MACROD2: variants seen among roughly 807,000 people sequenced by gnomAD.
MACROD2 encodes the protein mono-ADP ribosylhydrolase 2, also known as ADP-ribose glycohydrolase MACROD2.
In MACROD2, 36 loss-of-function variants were observed where a neutral mutation model predicts 70.4. The observed-to-expected ratio is 0.51, with a 90% CI of 0.39 to 0.68. MACROD2 has a LOEUF of 0.68. Among genes scored for constraint, MACROD2 ranks in the 30% least tolerant of loss-of-function variants. The probability of loss-of-function intolerance (pLI) is 0.00; values close to 1 mark genes in which losing one functional copy is unlikely to be tolerated. For synonymous variants in MACROD2, 172 were observed against 178.8 expected, an observed-to-expected ratio of 0.96 and a Z score of 0.30; for missense variants, 496 against 538.4, an observed-to-expected ratio of 0.92 and a Z score of 0.78.
At chr20:15,886,798 G>C (rs929573593) in intron 10 of MACROD2, among the ~76,000 whole-genome samples, 3 of 152,088 alleles carry the variant, frequency 2.0e-5, no homozygotes, top group African/African-American at 7.2e-5. Flanking sequence ...TTACAATTCT[G>C]GGGGCAATAA....
chr20:14,555,978 A>G (rs1979005917), intron 4 of MACROD2, among the ~76,000 whole-genome samples: 1 of 151,980 alleles, frequency 6.6e-6, no homozygotes, highest in African/African-American at 2.4e-5. Context: ...TTCTCATCCA[A>G]CTATTTTAAC....
At chr20:15,857,888 G>A (rs1362070918) in intron 8 of MACROD2, among the ~76,000 whole-genome samples, 1 of 152,134 alleles carries the variant, frequency 6.6e-6, no homozygotes, top group Admixed American at 6.5e-5. Context: ...TTCTGTGTGT[G>A]TGTCTCTAGG....
At chr20:15,015,448 T>C (rs1348264401) in intron 5 of MACROD2, among the ~76,000 whole-genome samples, 1 of 151,870 alleles carries the variant, frequency 6.6e-6, no homozygotes, top group Admixed American at 6.6e-5. Flanking sequence ...ATTTTTTTTC[T>C]ACATTTTTAA....
At position 15,229,906 on chromosome 20, in the gene MACROD2, C is replaced by G. The variant is rs370932617; in HGVS notation, c.419-34C>G. On this transcript the variant is annotated intron_variant, in intron 5 of 17. Coordinates refer to ENST00000684519, the MANE Select transcript of MACROD2 (RefSeq NM_001351661.2). ...TGTAAAAAAAGTGAAAAATACCTCGCTTATCCTCTTTTTCCTTCCTTTTGT... is the reference window on the plus strand; with the variant it reads ...TGTAAAAAAAGTGAAAAATACCTCGGTTATCCTCTTTTTCCTTCCTTTTGT... 42 of 1,568,056 alleles carry G rather than the reference C, an allele frequency of 2.7e-5. No individual in the cohort carries two copies. In the African/African-American group the frequency reaches 5.6e-4, roughly 21 times the overall value.
In MACROD2 at chr20:15,978,582, G is replaced by GTCTCTCTCTCTCTCTC. The variant is rs59205516; in HGVS notation, c.986-8126_986-8111dup. Among the ~76,000 whole-genome samples the GTCTCTCTCTCTCTCTC allele has an allele frequency of 1.3e-3, 187 of 146,416 alleles. 2 individuals are homozygous for GTCTCTCTCTCTCTCTC. The highest frequency in any genetic ancestry group is 4.4e-3 in the African/African-American group (172 of 39,344). On this transcript the variant is annotated intron_variant, in intron 13 of 17. Coordinates refer to ENST00000684519, the MANE Select transcript of MACROD2 (RefSeq NM_001351661.2). ...AATAAACTTACTCGCCTGACCTTGGGTCTCTCTCTCTCTCTCTCTCTCTCT... is the reference window on the plus strand; with the variant it reads ...AATAAACTTACTCGCCTGACCTTGGGTCTCTCTCTCTCTCTCTCTCTCTCTCTCTCTCTCTCTCTCT...
At position 15,942,836 on chromosome 20, in the gene MACROD2, C is replaced by T. The variant is rs141118160; in HGVS notation, c.907+5292C>T. On this transcript the variant is annotated intron_variant, in intron 12 of 17. Transcript: ENST00000684519. ...GGGAAAATAAAGTGCTGTTTAAACTCGTCTTAATCCACCTGCCTTATTATT... is the reference window on the plus strand; with the variant it reads ...GGGAAAATAAAGTGCTGTTTAAACTTGTCTTAATCCACCTGCCTTATTATT... Among the ~76,000 whole-genome samples, 690 of 152,212 alleles carry T rather than the reference C, an allele frequency of 4.5e-3. 5 individuals carry two copies. Among genetic ancestry groups the T allele is most frequent in the African/African-American group, 0.016 (654 of 41,522 alleles).
At chr20:15,846,622 G>A (rs752620132) in intron 8 of MACROD2, among the ~76,000 whole-genome samples, 4 of 152,026 alleles carry the variant, frequency 2.6e-5, no homozygotes, top group African/African-American at 9.7e-5. Flanking sequence ...GTTTTTCCAC[G>A]ACTAAGCAGT....
intron 8 of MACROD2, among the ~76,000 whole-genome samples, chr20:15,529,173 A>G (rs2047762290): frequency 6.6e-6 from 1 of 152,178 alleles, no homozygotes; most frequent in Admixed American, 6.5e-5. Context: ...AAAGGAGAAG[A>G]GCTGGAAGTA....
At chr20:15,970,462 G>A (rs1381740020) in intron 13 of MACROD2, among the ~76,000 whole-genome samples, 1 of 151,994 alleles carries the variant, frequency 6.6e-6, no homozygotes, top group African/African-American at 2.4e-5. Context: ...AAGAGTAAAA[G>A]TACCAATTAG....
At chr20:15,028,800 A>G (rs1451018517) in intron 5 of MACROD2, among the ~76,000 whole-genome samples, 1 of 152,226 alleles carries the variant, frequency 6.6e-6, no homozygotes, top group East Asian at 1.9e-4. Context: ...TGGAGGTCAG[A>G]AAGAGCATGG....
chr20:15,910,216 A>G (rs1352143672), intron 10 of MACROD2, among the ~76,000 whole-genome samples: 1 of 152,238 alleles, frequency 6.6e-6, no homozygotes, highest in African/African-American at 2.4e-5. Flanking sequence ...CTGAGAAGAC[A>G]GTCACACTGC....
At chr20:16,002,055 T>C (rs2066716622) in intron 15 of MACROD2, among the ~76,000 whole-genome samples, 2 of 151,728 alleles carry the variant, frequency 1.3e-5, no homozygotes, top group Non-Finnish European at 2.9e-5. Flanking sequence ...TATATATATA[T>C]ATACATGTGT....
intron 9 of MACROD2, among the ~76,000 whole-genome samples, chr20:15,879,446 C>T (rs2147197469): frequency 6.6e-6 from 1 of 152,130 alleles, no homozygotes; most frequent in Admixed American, 6.6e-5. Flanking sequence ...AAGTAGATTT[C>T]ATTAATATGT....
intron 5 of MACROD2, among the ~76,000 whole-genome samples, chr20:14,753,182 T>C (rs1334828428): frequency 6.6e-6 from 1 of 152,126 alleles, no homozygotes; most frequent in Non-Finnish European, 1.5e-5. Context: ...TCTTCCAGTT[T>C]TCTCAAGACC....
intron 5 of MACROD2, among the ~76,000 whole-genome samples, chr20:14,707,547 C>T (rs999349090): frequency 1.3e-5 from 2 of 152,126 alleles, no homozygotes; most frequent in African/African-American, 4.8e-5. Context: ...TGAGACCTCC[C>T]AGTGCTGTAG....
intron 4 of MACROD2, among the ~76,000 whole-genome samples, chr20:14,634,948 C>G (rs6079513): frequency 0.03 from 4,548 of 152,178 alleles, 106 homozygotes; most frequent in Non-Finnish European, 0.045. Flanking sequence ...GCAGGGAGAA[C>G]TTTTGTTCTA....
intron 13 of MACROD2, among the ~76,000 whole-genome samples, chr20:15,981,115 T>A (rs200379189): frequency 6.6e-6 from 1 of 152,202 alleles, no homozygotes; most frequent in East Asian, 1.9e-4. Flanking sequence ...GAAAGATGGT[T>A]TAATGGTGCC....
At chr20:14,161,638 G>A (rs1402739900) in intron 3 of MACROD2, among the ~76,000 whole-genome samples, 3 of 148,702 alleles carry the variant, frequency 2.0e-5, no homozygotes, top group South Asian at 2.1e-4. Flanking sequence ...GTGCAGTGGC[G>A]CGATCGCAGC....
intron 3 of MACROD2, among the ~76,000 whole-genome samples, chr20:14,387,025 T>A (rs536642985): frequency 3.9e-5 from 6 of 152,340 alleles, no homozygotes; most frequent in African/African-American, 1.4e-4. Flanking sequence ...CAGGCGTATC[T>A]CCTTATTGAT....
Sources: gnomAD v4.1 joint callset for allele counts (sites outside exome capture counted in the v4.1 genomes callset) on GRCh38, gnomAD v4.1.1 for gene constraint, MANE v1.5 for transcripts, NCBI Gene and HGNC (gene_info 2026-07-23, HGNC 2026-07-21) for gene names.